Variants in NEXMIF observed in about 807,000 individuals in gnomAD.
The protein encoded by NEXMIF is neurite extension and migration factor.
NEXMIF carries 8 observed loss-of-function variants against 62.1 expected under a neutral mutation model. The observed-to-expected ratio is 0.13, with a 90% CI of 0.08 to 0.23. NEXMIF has a LOEUF of 0.23. Ranked by LOEUF, NEXMIF falls within the 10% of genes least tolerant of loss-of-function variation. The pLI is 1.00. For missense variants in NEXMIF, 976 were observed against 1,113.3 expected (o/e 0.88, Z 1.75); for synonymous variants, 404 against 416.6 (o/e 0.97, Z 0.37).
chrX:74,820,603 T>C (rs1393441371), intron 1 of NEXMIF, among the ~76,000 whole-genome samples: 1 of 111,623 alleles, frequency 9.0e-6, no homozygotes, highest in African/African-American at 3.3e-5. Context: ...GGAATCAACC[T>C]AGGTGTCCAT....
chrX:74,777,408 A>G (rs184386483), intron 1 of NEXMIF, among the ~76,000 whole-genome samples: 25 of 111,980 alleles, frequency 2.2e-4, no homozygotes, highest in Non-Finnish European at 1.9e-5. Flanking sequence ...TGAGATATCC[A>G]TCACCTCCAA....
At chrX:74,803,715 A>T (rs1248998976) in intron 1 of NEXMIF, among the ~76,000 whole-genome samples, 1 of 111,335 alleles carries the variant, frequency 9.0e-6, no homozygotes, top group African/African-American at 3.3e-5. Flanking sequence ...TTCAGTGGAA[A>T]CCTTACAGGT....
chrX:74,809,341 C>A (rs2080354027), intron 1 of NEXMIF, among the ~76,000 whole-genome samples: 1 of 111,608 alleles, frequency 9.0e-6, no homozygotes, highest in Non-Finnish European at 1.9e-5. Context: ...TGTCTTGTGC[C>A]CAGATGAAGG....
At chrX:74,874,170 T>A (rs1234870196) in intron 1 of NEXMIF, among the ~76,000 whole-genome samples, 3 of 109,510 alleles carry the variant, frequency 2.7e-5, no homozygotes, top group African/African-American at 1.0e-4. Context: ...GATTTTTGTA[T>A]AAGGTGTAAG....
At chrX:74,916,879 A>G (rs1015690950) in intron 1 of NEXMIF, among the ~76,000 whole-genome samples, 2 of 111,329 alleles carry the variant, frequency 1.8e-5, no homozygotes, top group Admixed American at 9.5e-5. Context: ...TGAGACAGAA[A>G]AATTCATTTT....
intron 1 of NEXMIF, among the ~76,000 whole-genome samples, chrX:74,918,271 T>C (rs2080814564): frequency 8.9e-6 from 1 of 112,029 alleles, no homozygotes; most frequent in Non-Finnish European, 1.9e-5. Flanking sequence ...CACTGAATTT[T>C]CACAGGGGTT....
Position 74,740,686 on chromosome X carries a change from G to A in NEXMIF, c.3871C>T (p.Pro1291Ser), listed in dbSNP as rs767020320. ...GDWALGKESS[P>S]GWSDMSMGTN... The stretch of plus-strand genomic sequence containing the variant: ...CCCATGCTCATATCACTCCAGCCTG[G>A]GCTGCTCTCCTTCCCCAAGGCCCAA... The change falls in exon 3 of 4, where the codon CCA becomes TCA. Residue 1291 changes from proline (P) to serine (S), a missense_variant. Transcript: ENST00000055682. The A allele has an allele frequency of 2.5e-6, 3 of 1,210,402 alleles. No individual in the cohort carries two copies. The African/African-American group carries it at 5.2e-5, about 21-fold the overall frequency.
intron 1 of NEXMIF, among the ~76,000 whole-genome samples, chrX:74,882,138 T>C: frequency 9.1e-6 from 1 of 109,896 alleles, no homozygotes; most frequent in Admixed American, 9.7e-5. Flanking sequence ...CCATCAATGA[T>C]AGACTGGATA....
At chrX:74,902,333 C>A (rs192200511) in intron 1 of NEXMIF, among the ~76,000 whole-genome samples, 32 of 108,814 alleles carry the variant, frequency 2.9e-4, no homozygotes, top group Non-Finnish European at 9.5e-5. Context: ...AGCTCTGATG[C>A]ATGTATGTTT....
At chrX:74,810,225 T>C (rs1482354796) in intron 1 of NEXMIF, among the ~76,000 whole-genome samples, 1 of 111,823 alleles carries the variant, frequency 8.9e-6, no homozygotes, top group Non-Finnish European at 1.9e-5. Flanking sequence ...AGCCTTTTTA[T>C]TTATATTTAA....
intron 1 of NEXMIF, among the ~76,000 whole-genome samples, chrX:74,881,421 C>CAG (rs2080663164): frequency 9.1e-6 from 1 of 109,305 alleles, no homozygotes. Context: ...CACACACACA[C>CAG]ACAGAGCAAA....
intron 1 of NEXMIF, among the ~76,000 whole-genome samples, chrX:74,745,915 C>T (rs961717907): frequency 1.8e-5 from 2 of 111,191 alleles, no homozygotes; most frequent in Non-Finnish European, 3.8e-5. Context: ...CCTTCTATCA[C>T]CTCTGTGCCA....
chrX:74,870,951 G>C (rs1416190314), intron 1 of NEXMIF, among the ~76,000 whole-genome samples: 1 of 111,753 alleles, frequency 8.9e-6, no homozygotes, highest in South Asian at 3.7e-4. Flanking sequence ...ACAAAATCTA[G>C]CAATCCCACT....
intron 1 of NEXMIF, among the ~76,000 whole-genome samples, chrX:74,829,388 C>T (rs775330125): frequency 6.2e-5 from 7 of 112,062 alleles, no homozygotes; most frequent in South Asian, 7.3e-4. Context: ...GGATCTTATT[C>T]TTCTTTATGG....
chrX:74,839,907 T>G (rs943344890), intron 1 of NEXMIF, among the ~76,000 whole-genome samples: 7 of 111,867 alleles, frequency 6.3e-5, no homozygotes, highest in Non-Finnish European at 1.3e-4. Context: ...TAGGATGATT[T>G]ATATTCCTCT....
At chrX:74,760,436 C>T (rs916190509) in intron 1 of NEXMIF, among the ~76,000 whole-genome samples, 16 of 111,689 alleles carry the variant, frequency 1.4e-4, no homozygotes, top group African/African-American at 2.0e-4. Flanking sequence ...TGAATAGGAA[C>T]GGTGAGGGAG....
intron 1 of NEXMIF, among the ~76,000 whole-genome samples, chrX:74,898,019 T>C (rs2080737852): frequency 8.9e-6 from 1 of 111,925 alleles, no homozygotes. Flanking sequence ...ACATCTCCAG[T>C]GCACAAGAAT....
At chrX:74,840,014 A>C (rs2080468995) in intron 1 of NEXMIF, among the ~76,000 whole-genome samples, 1 of 111,655 alleles carries the variant, frequency 9.0e-6, no homozygotes, top group South Asian at 3.8e-4. Flanking sequence ...TAGTTGAACT[A>C]ATTTACACAC....
intron 1 of NEXMIF, among the ~76,000 whole-genome samples, chrX:74,911,315 G>T (rs1054437543): frequency 9.0e-6 from 1 of 111,422 alleles, no homozygotes; most frequent in Non-Finnish European, 1.9e-5. Flanking sequence ...AGCTACTCAG[G>T]AGGCTGAGGC....
Sources: gnomAD v4.1 joint callset for allele counts (sites outside exome capture counted in the v4.1 genomes callset) on GRCh38, gnomAD v4.1.1 for gene constraint, MANE v1.5 for transcripts, NCBI Gene and HGNC (gene_info 2026-07-23, HGNC 2026-07-21) for gene names.